Variants in NIPAL4 observed in about 807,000 individuals in gnomAD.
NIPAL4 encodes the protein NIPA like domain containing 4.
In NIPAL4, 21 loss-of-function variants were observed where a neutral mutation model predicts 31.6. The ratio of observed to expected loss-of-function variants is 0.67; its 90% confidence interval spans 0.47 to 0.96. The LOEUF (loss-of-function observed/expected upper bound fraction) is 0.96, where lower values mean the gene tolerates loss of function less well. Ranked by LOEUF, NIPAL4 falls within the 40% of genes least tolerant of loss-of-function variation. The pLI is 0.00. For missense variants in NIPAL4, 438 were observed against 508.0 expected, an observed-to-expected ratio of 0.86 and a Z score of 1.32; for synonymous variants, 175 against 211.1, an observed-to-expected ratio of 0.83 and a Z score of 1.48.
chr5:157,468,793 G>C lies in NIPAL4; in HGVS notation c.406G>C (p.Ala136Pro). 6.2e-7 allele frequency: 1 copy of C among 1,607,024 alleles called. No homozygotes were observed. The highest frequency in any genetic ancestry group is 8.5e-7 in the Non-Finnish European group (1 of 1,175,676). The change falls in exon 4 of 6, where the codon GCG (alanine) becomes CCG (proline). Residue 136 changes from alanine (A) to proline (P), a missense_variant. Ala to Pro is a conservative substitution (Grantham distance 27, BLOSUM62 -1). Coordinates refer to ENST00000311946, the MANE Select transcript of NIPAL4 (RefSeq NM_001099287.2). ...TGCAACAGTCGTCACGCCTCTGGGAGCGCTGAGTGTCCTCATAAGGTTATT... is the reference window on the plus strand; with the variant it reads ...TGCAACAGTCGTCACGCCTCTGGGACCGCTGAGTGTCCTCATAAGGTTATT... ...APATVVTPLG[A>P]LSVLISAILS...
intron 4 of NIPAL4, among the ~76,000 whole-genome samples, chr5:157,470,279 G>A (rs574374007): frequency 1.3e-5 from 2 of 152,146 alleles, no homozygotes; most frequent in South Asian, 2.1e-4. Context: ...GGCTCGCCTC[G>A]AGGATATGAG....
At chr5:157,467,304 C>G (rs183255535) in intron 3 of NIPAL4, 199 bp downstream of exon 3, 1 of 571,580 alleles carries the variant, frequency 1.7e-6, no homozygotes, top group African/African-American at 1.9e-5. Flanking sequence ...GAAGCGTCTA[C>G]TCCCAGAGAG....
At chr5:157,463,061 G>C in intron 1 of NIPAL4, 33 bp from the exon 2 acceptor site, 12 of 1,612,280 alleles carry the variant, frequency 7.4e-6, no homozygotes, top group Non-Finnish European at 1.0e-5. Context: ...ATTGTCCCCA[G>C]TGTGACTCTC....
At position 157,463,439 on chromosome 5, in the gene NIPAL4, T is replaced by C. The variant is rs1754166392; in HGVS notation, c.277+106T>C. ...GCCTCAGCAAGGTACAAAAGGCTCA[T>C]TGTCAACCCTATCTGGAATCCCACC... On this transcript the variant is annotated intron_variant, in intron 2 of 5. Transcript: ENST00000311946. 9 of 1,316,016 alleles carry C rather than the reference T, an allele frequency of 6.8e-6. No homozygotes were observed. In the Admixed American group the frequency reaches 8.5e-5, roughly 12 times the overall value. 81.5% of individuals were successfully genotyped at this position (1,316,016 alleles called of 1,614,324 possible).
rs1300270212 is a variant in NIPAL4, at chr5:157,468,757, G to A, written c.370G>A (p.Ala124Thr). Residue 124 changes from alanine to threonine, a missense_variant, in exon 4 of 6, where the codon GCA becomes ACA. Transcript: ENST00000311946. ...AGAAGTTGCCAACTTTGGAGCCTAC[G>A]CATTTGCACCTGCAACAGTCGTCAC... is the stretch of plus-strand genomic sequence containing the variant. ...AGEVANFGAY[A>T]FAPATVVTPL... 4.3e-6 allele frequency: 7 copies of A among 1,611,916 alleles called. No individual in the cohort carries two copies. The highest frequency in any genetic ancestry group is 5.9e-6 in the Non-Finnish European group (7 of 1,178,744).
At position 157,463,445 on chromosome 5, in the gene NIPAL4, AC is replaced by A. The variant is rs568643201; in HGVS notation, c.277+115del. The A allele has an allele frequency of 1.4e-4, 186 of 1,284,212 alleles. 2 individuals carry two copies. In the South Asian group the frequency reaches 2.9e-3, roughly 20 times the overall value. 79.6% of individuals were successfully genotyped at this position (1,284,212 alleles called of 1,614,324 possible). ...GCAAGGTACAAAAGGCTCATTGTCA[AC>A]CCTATCTGGAATCCCACCTGCCAAC... On this transcript the variant is annotated intron_variant, in intron 2 of 5. Transcript: ENST00000311946.
At chr5:157,460,612 G>T (rs982262768) in intron 1 of NIPAL4, 8 of 665,234 alleles carry the variant, frequency 1.2e-5, no homozygotes, top group Middle Eastern at 2.4e-4. Flanking sequence ...GGGGGTTAGT[G>T]GGGGGCAGGC....
chr5:157,470,050 G>C (rs1434488494), intron 4 of NIPAL4, among the ~76,000 whole-genome samples: 1 of 152,214 alleles, frequency 6.6e-6, no homozygotes, highest in Non-Finnish European at 1.5e-5. Context: ...GGTAGTTTCA[G>C]AGGAAAGACG....
Position 157,473,030 on chromosome 5 carries a change from G to C in NIPAL4, c.*70G>C, listed in dbSNP as rs1426773725. ...TGCCCTCCCAATTTCAAAACCACCT[G>C]GTTATTTTCCAGTGCAACTGTTACC... On this transcript the variant is annotated 3_prime_UTR_variant, in exon 6 of 6. Transcript: ENST00000311946. 9 of 1,343,986 alleles carry C rather than the reference G, an allele frequency of 6.7e-6. No individual in the cohort carries two copies. The highest frequency in any genetic ancestry group is 4.7e-5 in the East Asian group (2 of 42,768). 83.3% of individuals were successfully genotyped at this position (1,343,986 alleles called of 1,614,324 possible).
In NIPAL4 at chr5:157,463,091, C is replaced by T. The variant is rs1754151249; in HGVS notation, c.38-3C>T. On this transcript the variant is annotated splice_polypyrimidine_tract_variant and splice_region_variant and intron_variant, in intron 1 of 5. Coordinates refer to ENST00000311946, the MANE Select transcript of NIPAL4 (RefSeq NM_001099287.2). ...ACTCTCTCACTGTGGTCTTCCCATCCAGGTTCCCTGCTCCACCTCTACTGC... is the reference window on the plus strand; with the variant it reads ...ACTCTCTCACTGTGGTCTTCCCATCTAGGTTCCCTGCTCCACCTCTACTGC... 1.2e-6 allele frequency: 2 copies of T among 1,613,748 alleles called. No individual in the cohort carries two copies. The highest frequency in any genetic ancestry group is 1.7e-6 in the Non-Finnish European group (2 of 1,179,678).
At chr5:157,470,419 T>C (rs1348275110) in intron 4 of NIPAL4, among the ~76,000 whole-genome samples, 1 of 152,162 alleles carries the variant, frequency 6.6e-6, no homozygotes, top group Non-Finnish European at 1.5e-5. Context: ...GCTTTATAAT[T>C]AGAAAGGACT....
rs1198728331 is a variant in NIPAL4, at chr5:157,472,625, G to A, written c.880G>A (p.Val294Met). Residue 294 changes from valine (V) to methionine (M), a missense_variant, in exon 6 of 6, where the codon GTG becomes ATG. By Grantham distance (21) the Val-to-Met change is conservative. Coordinates refer to ENST00000311946, the MANE Select transcript of NIPAL4 (RefSeq NM_001099287.2). ...ACTGGACATTTTCAACACTTCCCTG[G>A]TGTTCCCCATCTACTACGTGTTCTT... ...RALDIFNTSL[V>M]FPIYYVFFTT... 8.1e-6 allele frequency: 13 copies of A among 1,613,786 alleles called. No individual in the cohort carries two copies. Among genetic ancestry groups the A allele is most frequent in the Non-Finnish European group, 1.0e-5 (12 of 1,179,868 alleles).
At chr5:157,464,084 G>GC (rs1754187110) in intron 2 of NIPAL4, among the ~76,000 whole-genome samples, 1 of 152,110 alleles carries the variant, frequency 6.6e-6, no homozygotes, top group South Asian at 2.1e-4. Flanking sequence ...GGAGGGGTGT[G>GC]TAAAGCCCAG....
In NIPAL4 at chr5:157,474,140, A is replaced by T. The variant is rs1754518469; in HGVS notation, c.*1180A>T. On this transcript the variant is annotated 3_prime_UTR_variant, in exon 6 of 6. Coordinates refer to ENST00000311946, the MANE Select transcript of NIPAL4 (RefSeq NM_001099287.2). Reference sequence around the variant, plus strand: ...GGGGTGCATTCTAGCTGTTGACCAGATTGCTACCGAGTCCCCTCCTCCACT... The same window carrying T: ...GGGGTGCATTCTAGCTGTTGACCAGTTTGCTACCGAGTCCCCTCCTCCACT... 1 of 152,290 alleles carries T rather than the reference A, an allele frequency of 6.6e-6. No homozygotes were observed. The highest frequency in any genetic ancestry group is 2.1e-4 in the South Asian group (1 of 4,822). The allele number at this position is 152,290 out of a possible 1,614,324, so 9.4% of individuals were successfully genotyped here.
At chr5:157,468,890 C>T (rs773811164) in intron 4 of NIPAL4, 78 bp downstream of exon 4, 16 of 963,962 alleles carry the variant, frequency 1.7e-5, no homozygotes, top group Non-Finnish European at 2.2e-5. Flanking sequence ...CAAGTGGGAT[C>T]GACTGCCACT....
Position 157,471,720 on chromosome 5 carries a change from G to T in NIPAL4, c.489G>T (p.Val163=). 1.2e-6 allele frequency: 2 copies of T among 1,608,236 alleles called. No individual in the cohort carries two copies. The highest frequency in any genetic ancestry group is 3.3e-4 in the Middle Eastern group (2 of 6,046). Residue 163 remains valine (V), a synonymous_variant, in exon 5 of 6, where the codon GTG becomes GTT. Coordinates refer to ENST00000311946, the MANE Select transcript of NIPAL4 (RefSeq NM_001099287.2). ...ACCTGCTGGGGAAGCTGGGCTGTGT[G>T]ATCTGTGTGGCCGGAAGCACAGTGA... ...SLNLLGKLGC[V]ICVAGSTVMV...
In NIPAL4 at chr5:157,471,729, G is replaced by A. The variant is rs372396299; in HGVS notation, c.498G>A (p.Val166=). Residue 166 remains valine (V), a synonymous_variant, in exon 5 of 6, where the codon GTG becomes GTA. Coordinates refer to ENST00000311946, the MANE Select transcript of NIPAL4 (RefSeq NM_001099287.2). ...GGAAGCTGGGCTGTGTGATCTGTGT[G>A]GCCGGAAGCACAGTGATGGTGATAC... is the stretch of plus-strand genomic sequence containing the variant. ...LLGKLGCVIC[V]AGSTVMVIHA... The A allele has an allele frequency of 1.9e-6, 3 of 1,607,706 alleles. No homozygotes were observed. In the East Asian group the frequency reaches 6.7e-5, roughly 36 times the overall value.
rs1334061699 is a variant in NIPAL4, at chr5:157,460,274, GC to G, written c.-44del. On this transcript the variant is annotated 5_prime_UTR_variant, in exon 1 of 6. Transcript: ENST00000311946. ...CGGCCACCTGCTCCGGAGCTGGGGA[GC>G]CCGGGCGCCGTCCGCCCGCGCGTCG... The G allele has an allele frequency of 1.9e-6, 3 of 1,545,576 alleles. No homozygotes were observed. The East Asian group carries it at 7.4e-5, about 38-fold the overall frequency.
In NIPAL4 at chr5:157,470,312, C is replaced by T. The variant is rs149198462; in HGVS notation, c.426-1345C>T. 1.1e-4 allele frequency among the ~76,000 whole-genome samples: 17 copies of T among 152,174 alleles called. No individual in the cohort carries two copies. In the East Asian group the frequency reaches 2.5e-3, roughly 22 times the overall value. On this transcript the variant is annotated intron_variant, in intron 4 of 5. Transcript: ENST00000311946. ...GAGGGGAATAGAAATCATGTCACCA[C>T]GGTGCAGCAAGGAACTGGAGATAAT...
Sources: gnomAD v4.1 joint callset for allele counts (sites outside exome capture counted in the v4.1 genomes callset) on GRCh38, gnomAD v4.1.1 for gene constraint, MANE v1.5 for transcripts, NCBI Gene and HGNC (gene_info 2026-07-23, HGNC 2026-07-21) for gene names.